The following SIPA1L1 variants were observed in gnomAD, a reference collection of about 807,000 sequenced individuals.
SIPA1L1 encodes signal induced proliferation associated 1 like 1.
SIPA1L1 carries 26 observed loss-of-function variants against 162.7 expected under a neutral mutation model. The observed-to-expected ratio is 0.16, with a 90% confidence interval of 0.12 to 0.22. SIPA1L1 has a LOEUF of 0.22. Ranked by LOEUF, SIPA1L1 falls within the 10% of genes least tolerant of loss-of-function variation. SIPA1L1 has a pLI of 1.00. For missense variants in SIPA1L1, 1,874 were observed against 2,241.0 expected (o/e 0.84, Z 3.31); for synonymous variants, 829 against 837.4 (o/e 0.99, Z 0.17).
At chr14:71,734,009 G>A (rs2085049846) in intron 21 of SIPA1L1, among the ~76,000 whole-genome samples, 197 bp downstream of exon 21, 1 of 152,218 alleles carries the variant, frequency 6.6e-6, no homozygotes, top group Non-Finnish European at 1.5e-5. Flanking sequence ...ATGCCACCTG[G>A]TGTTTCCTCC....
chr14:71,397,253 C>T (rs752560377), intron 2 of SIPA1L1, among the ~76,000 whole-genome samples: 6 of 152,096 alleles, frequency 3.9e-5, no homozygotes, highest in Admixed American at 1.3e-4. Flanking sequence ...CATTTTTCCT[C>T]CATCATGACA....
intron 7 of SIPA1L1, among the ~76,000 whole-genome samples, chr14:71,628,497 T>C (rs893857146): frequency 1.4e-4 from 22 of 152,358 alleles, no homozygotes; most frequent in African/African-American, 3.4e-4. Context: ...TTGTAGTTGA[T>C]ACATTATGCT....
At chr14:71,482,042 G>C (rs375792479) in intron 2 of SIPA1L1, among the ~76,000 whole-genome samples, 1 of 152,168 alleles carries the variant, frequency 6.6e-6, no homozygotes, top group African/African-American at 2.4e-5. Context: ...CCTCCTAAGT[G>C]TTTACCATGC....
intron 4 of SIPA1L1, among the ~76,000 whole-genome samples, chr14:71,580,988 ATCTG>A (rs1300303278): frequency 1.3e-4 from 20 of 152,206 alleles, no homozygotes; most frequent in African/African-American, 3.6e-4. Flanking sequence ...CTGCCTGTCT[ATCTG>A]TCTATCTATA....
intron 19 of SIPA1L1, among the ~76,000 whole-genome samples, chr14:71,728,548 G>A (rs2150299072): frequency 6.6e-6 from 1 of 152,334 alleles, no homozygotes; most frequent in Admixed American, 6.5e-5. Flanking sequence ...ACCACATTGA[G>A]GGTAGCCTGG....
At chr14:71,646,574 G>A (rs2042191258) in intron 7 of SIPA1L1, among the ~76,000 whole-genome samples, 1 of 152,314 alleles carries the variant, frequency 6.6e-6, no homozygotes, top group African/African-American at 2.4e-5. Context: ...TTTAGTAAGT[G>A]TTGAAAGACC....
At chr14:71,670,206 A>G (rs776953864) in intron 10 of SIPA1L1, among the ~76,000 whole-genome samples, 3 of 152,200 alleles carry the variant, frequency 2.0e-5, no homozygotes, top group Non-Finnish European at 4.4e-5. Context: ...CTCTATTTCT[A>G]TATCAACAAC....
At chr14:71,738,099 T>A in intron 22 of SIPA1L1, 142 bp from the exon 23 acceptor site, 1 of 488,932 alleles carries the variant, frequency 2.0e-6, no homozygotes. Flanking sequence ...AAATACTCAT[T>A]GGGTCGCCAT....
At chr14:71,601,572 T>C (rs533536803) in intron 5 of SIPA1L1, among the ~76,000 whole-genome samples, 75 of 152,306 alleles carry the variant, frequency 4.9e-4, no homozygotes, top group Non-Finnish European at 9.6e-4. Context: ...TGTGTCCTTA[T>C]CTGGTTTTGG....
At chr14:71,731,595 T>C (rs538845843) in intron 20 of SIPA1L1, among the ~76,000 whole-genome samples, 2 of 152,374 alleles carry the variant, frequency 1.3e-5, no homozygotes, top group Admixed American at 1.3e-4. Flanking sequence ...TACTTTTAAT[T>C]TGCCTTTGCA....
intron 2 of SIPA1L1, chr14:71,330,639 C>T (rs2034416401): frequency 2.2e-6 from 2 of 901,758 alleles, no homozygotes; most frequent in East Asian, 2.4e-5. Flanking sequence ...GAAACTGGGT[C>T]AACTCATTGT....
chr14:71,636,026 A>G (rs889577049), intron 7 of SIPA1L1, among the ~76,000 whole-genome samples: 3 of 152,202 alleles, frequency 2.0e-5, no homozygotes, highest in African/African-American at 7.2e-5. Flanking sequence ...AATCCTAGGT[A>G]TATGTGCATC....
chr14:71,599,441 CA>C (rs2036465470), intron 5 of SIPA1L1, among the ~76,000 whole-genome samples: 1 of 150,592 alleles, frequency 6.6e-6, no homozygotes, highest in Admixed American at 6.6e-5. Flanking sequence ...CATGAGCCAC[CA>C]CGCTGGGCGA....
At chr14:71,594,765 ACT>A (rs933363370) in intron 5 of SIPA1L1, among the ~76,000 whole-genome samples, 7 of 152,068 alleles carry the variant, frequency 4.6e-5, no homozygotes, top group African/African-American at 1.7e-4. Flanking sequence ...ATTTTTAAAC[ACT>A]CTATTTATAT....
intron 2 of SIPA1L1, among the ~76,000 whole-genome samples, chr14:71,410,137 C>T (rs2042302882): frequency 6.6e-6 from 1 of 152,160 alleles, no homozygotes; most frequent in Admixed American, 6.5e-5. Context: ...TATGGCAGCT[C>T]ATTGTATTCA....
At chr14:71,524,873 A>G (rs2052706446) in intron 3 of SIPA1L1, among the ~76,000 whole-genome samples, 2 of 152,202 alleles carry the variant, frequency 1.3e-5, no homozygotes, top group African/African-American at 4.8e-5. Flanking sequence ...GCCTAGAGTG[A>G]TACTTCTATT....
At chr14:71,383,361 TAG>T (rs2040059764) in intron 2 of SIPA1L1, among the ~76,000 whole-genome samples, 1 of 152,222 alleles carries the variant, frequency 6.6e-6, no homozygotes, top group Non-Finnish European at 1.5e-5. Context: ...TCCATTTATG[TAG>T]AGTCTCAAAT....
At chr14:71,716,692 T>C (rs957307749) in intron 17 of SIPA1L1, among the ~76,000 whole-genome samples, 23 of 152,184 alleles carry the variant, frequency 1.5e-4, no homozygotes, top group African/African-American at 5.1e-4. Context: ...AGTCAGCAAA[T>C]AGATGTAGGT....
chr14:71,339,284 G>C (rs909639493), intron 2 of SIPA1L1, among the ~76,000 whole-genome samples: 1 of 151,966 alleles, frequency 6.6e-6, no homozygotes, highest in African/African-American at 2.4e-5. Context: ...TGATTAACCC[G>C]ATGTTTACTG....
Sources: allele counts gnomAD v4.1 joint callset (sites outside exome capture counted in the v4.1 genomes callset), GRCh38; gene constraint gnomAD v4.1.1; transcripts MANE v1.5; gene names NCBI Gene and HGNC (gene_info 2026-07-23, HGNC 2026-07-21).